The following RBM5 variants were observed in gnomAD, a reference collection of about 807,000 sequenced individuals.
RBM5 encodes RNA binding motif protein 5.
RBM5 carries 15 observed loss-of-function variants against 124.6 expected under a neutral mutation model. That is an observed-to-expected ratio of 0.12 (90% confidence interval 0.08 to 0.19). The LOEUF (loss-of-function observed/expected upper bound fraction) is 0.19. Among genes scored for constraint, RBM5 ranks in the 10% least tolerant of loss-of-function variants. The pLI is 1.00. For synonymous variants in RBM5, 337 were observed against 361.2 expected (o/e 0.93, Z 0.76); for missense variants, 580 against 1,026.5 (o/e 0.57, Z 5.94).
intron 17 of RBM5, chr3:50,112,259 C>CA (rs1432396808): frequency 1.4e-5 from 2 of 145,018 alleles, no homozygotes; most frequent in African/African-American, 5.1e-5. Flanking sequence ...AAAAAAAATA[C>CA]AAAAAAATTA....
chr3:50,115,888 T>G lies in RBM5; in HGVS notation c.2020-18T>G. 6.2e-7 allele frequency: 1 copy of G among 1,601,350 alleles called. No homozygotes were observed. The highest frequency in any genetic ancestry group is 8.6e-7 in the Non-Finnish European group (1 of 1,168,656). ...GATGGTCTGAGTCCTTACTGTGTCT[T>G]TCAAATCTTTTGTGTAGCAAAACAT... is the stretch of plus-strand genomic sequence containing the variant. On this transcript the variant is annotated intron_variant, in intron 21 of 24. Transcript: ENST00000347869.
rs1251084547 is a variant in RBM5 at position 50,117,755 on chromosome 3, T to C, written c.2322+376T>C. On this transcript the variant is annotated intron_variant, in intron 24 of 24. Coordinates refer to ENST00000347869, the MANE Select transcript of RBM5 (RefSeq NM_005778.4). The surrounding 1 kb of genome is among the most constrained non-coding windows in gnomAD (Gnocchi z 4.2). ...GAGATCACGCCACTGCACTCCAGCCTGGGCAACAGCGACTCTGTCTCAAAA... is the reference window on the plus strand; with the variant it reads ...GAGATCACGCCACTGCACTCCAGCCCGGGCAACAGCGACTCTGTCTCAAAA... 6.2e-6 allele frequency: 1 copy of C among 161,576 alleles called. No homozygotes were observed. The highest frequency in any genetic ancestry group is 2.5e-5 in the African/African-American group (1 of 39,518). The allele number at this position is 161,576 out of a possible 1,614,324, so 10.0% of individuals were successfully genotyped here.
intron 2 of RBM5, 85 bp from the exon 3 acceptor site, chr3:50,091,958 C>G: frequency 7.2e-7 from 1 of 1,394,648 alleles, no homozygotes; most frequent in African/African-American, 1.4e-5. Flanking sequence ...ATAAACTGAT[C>G]TGTGGGCCGT....
At chr3:50,108,751 A>G (rs1385464739) in intron 14 of RBM5, among the ~76,000 whole-genome samples, 4 of 152,184 alleles carry the variant, frequency 2.6e-5, no homozygotes, top group Admixed American at 1.3e-4. Flanking sequence ...CAGGGCTGTC[A>G]TCATGTACCC....
At chr3:50,096,822 G>A (rs1187426740) in intron 4 of RBM5, among the ~76,000 whole-genome samples, 1 of 151,384 alleles carries the variant, frequency 6.6e-6, no homozygotes, top group Non-Finnish European at 1.5e-5. Context: ...GCCTAGACTG[G>A]TCTTGAACTC....
rs373361150 is a variant in RBM5, at chr3:50,100,074, A to ATAT, written c.409+28_409+30dup. 1 of 1,607,726 alleles carries ATAT rather than the reference A, an allele frequency of 6.2e-7. No homozygotes were observed. Among genetic ancestry groups the ATAT allele is most frequent in the Non-Finnish European group, 8.5e-7 (1 of 1,175,686 alleles). The stretch of plus-strand genomic sequence containing the variant: ...CAGGTGAGAGCTTGCTTAGTTCCTG[A>ATAT]TATTATTGTTCTCTTCCCCATTCCC... On this transcript the variant is annotated intron_variant, in intron 5 of 24. Transcript: ENST00000347869. The surrounding 1 kb of genome is among the most constrained non-coding windows in gnomAD (Gnocchi z 5.1).
At chr3:50,093,151 A>G (rs919346585) in intron 3 of RBM5, 2 of 158,952 alleles carry the variant, frequency 1.3e-5, no homozygotes, top group African/African-American at 4.9e-5. Flanking sequence ...AAAAAAAAAA[A>G]ACCAGAAGGC....
intron 8 of RBM5, chr3:50,104,693 T>C (rs1389064608): frequency 1.9e-5 from 5 of 263,556 alleles, no homozygotes; most frequent in African/African-American, 8.8e-5. Flanking sequence ...ACTGTGAGCC[T>C]GAGGAAAAGT....
chr3:50,108,904 A>G (rs528893200), intron 14 of RBM5, among the ~76,000 whole-genome samples: 1 of 152,226 alleles, frequency 6.6e-6, no homozygotes, highest in East Asian at 1.9e-4. Flanking sequence ...TGCCCACGTA[A>G]GTTCAGGTGA....
chr3:50,101,996 T>G (rs765856144), intron 6 of RBM5: 27 of 152,204 alleles, frequency 1.8e-4, no homozygotes, highest in Non-Finnish European at 2.9e-4. Flanking sequence ...CAGTCTTGCC[T>G]TTAGATATCG....
In RBM5 at chr3:50,090,463, C is replaced by T; in HGVS notation, c.17+12C>T. 1 of 1,613,896 alleles carries T rather than the reference C, an allele frequency of 6.2e-7. No individual in the cohort carries two copies. Among genetic ancestry groups the T allele is most frequent in the Non-Finnish European group, 8.5e-7 (1 of 1,179,850 alleles). On this transcript the variant is annotated intron_variant, in intron 2 of 24. Transcript: ENST00000347869. ...GGTTCAGACAAAAGGTAAGTTACTACAGTACGTGGCTTTGATCTCAACATT... is the reference window on the plus strand; with the variant it reads ...GGTTCAGACAAAAGGTAAGTTACTATAGTACGTGGCTTTGATCTCAACATT...
In RBM5 at chr3:50,117,137, C is replaced by T. The variant is rs2091268017; in HGVS notation, c.2158C>T (p.Pro720Ser). The T allele has an allele frequency of 4.3e-6, 7 of 1,614,178 alleles. No individual in the cohort carries two copies. In the Admixed American group the frequency reaches 5.0e-5, roughly 12 times the overall value. The change falls in exon 23 of 25, where the codon CCC becomes TCC. Residue 720 changes from proline to serine, a missense_variant. This residue lies in a region of RBM5 where 234 missense variants were observed against 435.1 expected (regional missense o/e 0.54). Transcript: ENST00000347869. The surrounding 1 kb of genome is among the most constrained non-coding windows in gnomAD (Gnocchi z 4.2). ...EKYGIPEPPE[P>S]KRKKQFDAGT... ...GTACGGCATTCCAGAACCTCCAGAG[C>T]CCAAGCGCAAGAAGCAGTTTGATGC...
chr3:50,105,043 T>A (rs1176103955), intron 8 of RBM5, 34 bp from the exon 9 acceptor site: 14 of 1,434,174 alleles, frequency 9.8e-6, no homozygotes, highest in Non-Finnish European at 1.4e-5. Context: ...ATACATTAGT[T>A]GTTTGTCTCT....
chr3:50,108,436 C>T lies in RBM5; in HGVS notation c.1192+132C>T, dbSNP rs9852055. The T allele has an allele frequency of 5.9e-4, 515 of 879,494 alleles. 1 individual carries two copies. The African/African-American group carries it at 7.1e-3, about 12-fold the overall frequency. The allele number at this position is 879,494 out of a possible 1,614,324, so 54.5% of individuals were successfully genotyped here. A position where few individuals can be genotyped will look rare whatever the true frequency, so the allele number is the denominator to read the frequency against. On this transcript the variant is annotated intron_variant, in intron 14 of 24. Coordinates refer to ENST00000347869, the MANE Select transcript of RBM5 (RefSeq NM_005778.4). ...AGATTGTAGGGGGCATGGCCGGGCA[C>T]GGTGGCTCACGCCTGTAATCCCAGC...
chr3:50,093,013 G>A, intron 3 of RBM5: 1 of 248,836 alleles, frequency 4.0e-6, no homozygotes, highest in South Asian at 3.3e-5. Flanking sequence ...GGAGTGCAGT[G>A]GTGCGACCTC....
chr3:50,098,528 C>T (rs1049820624), intron 4 of RBM5, among the ~76,000 whole-genome samples: 9 of 152,080 alleles, frequency 5.9e-5, no homozygotes, highest in African/African-American at 9.6e-5. Flanking sequence ...CTGCAACCTC[C>T]GCCTCCCGGG....
Position 50,092,186 on chromosome 3 carries a change from A to G in RBM5, c.161A>G (p.Tyr54Cys), listed in dbSNP as rs370608309. 3.7e-6 allele frequency: 6 copies of G among 1,613,648 alleles called. No homozygotes were observed. The highest frequency in any genetic ancestry group is 4.5e-5 in the East Asian group (2 of 44,872). The change falls in exon 3 of 25, where the codon TAC becomes TGC. Residue 54 changes from tyrosine (Y) to cysteine (C), a missense_variant. Tyr to Cys is a radical substitution (Grantham distance 194, BLOSUM62 -2). Coordinates refer to ENST00000347869, the MANE Select transcript of RBM5 (RefSeq NM_005778.4). ...DDRRGDRYDD[Y>C]RDYDSPERER... ...CGGAGGGGTGATAGATATGATGACT[A>G]CCGAGACTATGACAGTCCAGAGGTG... is the stretch of plus-strand genomic sequence containing the variant.
At chr3:50,115,283 C>G (rs926151451) in intron 20 of RBM5, 145 bp from the exon 21 acceptor site, 4 of 1,004,240 alleles carry the variant, frequency 4.0e-6, no homozygotes, top group Non-Finnish European at 5.8e-6. Flanking sequence ...ACGCAGTTGA[C>G]AAAATGTGAT....
In RBM5 at chr3:50,109,949, G is replaced by A. The variant is rs887480686; in HGVS notation, c.1278+261G>A. On this transcript the variant is annotated intron_variant, in intron 15 of 24. Coordinates refer to ENST00000347869, the MANE Select transcript of RBM5 (RefSeq NM_005778.4). ...TCGCCGGGGCCGGGTGTGGTGGCTC[G>A]CGCCTGTAATCCCAGCACTTTGGGA... The A allele has an allele frequency of 2.0e-5, 7 of 343,452 alleles. No homozygotes were observed. In the East Asian group the frequency reaches 4.1e-4, roughly 20 times the overall value. The allele number at this position is 343,452 out of a possible 1,614,324, so 21.3% of individuals were successfully genotyped here. A position where few individuals can be genotyped will look rare whatever the true frequency, so the allele number is the denominator to read the frequency against.
Sources: allele counts gnomAD v4.1 joint callset (sites outside exome capture counted in the v4.1 genomes callset), GRCh38; gene constraint gnomAD v4.1.1; regional missense constraint gnomAD v4.1.1; non-coding constraint Gnocchi (gnomAD v3.1); transcripts MANE v1.5; gene names NCBI Gene and HGNC (gene_info 2026-07-23, HGNC 2026-07-21).